ITGA1: variants seen among roughly 807,000 people sequenced by gnomAD.
The protein encoded by ITGA1 is integrin alpha-1.
ITGA1 carries 85 observed loss-of-function variants against 145.9 expected under a neutral mutation model. The observed-to-expected ratio is 0.58, with a 90% CI of 0.49 to 0.70. The LOEUF (loss-of-function observed/expected upper bound fraction) is 0.70, where lower values mean the gene tolerates loss of function less well. Among genes scored for constraint, ITGA1 ranks in the 30% least tolerant of loss-of-function variants. The pLI, the probability that ITGA1 is intolerant of heterozygous loss-of-function variation, is 0.00. For missense variants in ITGA1, 1,351 were observed against 1,418.7 expected (o/e 0.95, Z 0.77); for synonymous variants, 520 against 495.3 (o/e 1.05, Z -0.66).
At chr5:52,846,661 G>A (rs1333372547) in intron 1 of ITGA1, among the ~76,000 whole-genome samples, 1 of 152,180 alleles carries the variant, frequency 6.6e-6, no homozygotes, top group Non-Finnish European at 1.5e-5. Context: ...AGAATGAACA[G>A]GAAATGTACA....
At chr5:52,909,191 A>G in intron 13 of ITGA1, 150 bp downstream of exon 13, 4 of 737,438 alleles carry the variant, frequency 5.4e-6, no homozygotes, top group South Asian at 3.8e-5. Context: ...TCAGTTTTGA[A>G]ATGACCATTT....
intron 1 of ITGA1, among the ~76,000 whole-genome samples, chr5:52,843,178 A>G (rs1749283682): frequency 6.6e-6 from 1 of 152,010 alleles, no homozygotes; most frequent in Non-Finnish European, 1.5e-5. Context: ...TTGCCCTAAA[A>G]CCATTCACTG....
rs990125025 is a variant in ITGA1 at position 52,902,915 on chromosome 5, A to G, written c.1310-2848A>G. 15 of 152,066 alleles carry G rather than the reference A, an allele frequency of 9.9e-5. 1 individual carries two copies. The highest frequency in any genetic ancestry group is 3.6e-4 in the African/African-American group (15 of 41,478). 9.4% of individuals were successfully genotyped at this position (152,066 alleles called of 1,614,324 possible). A position where few individuals can be genotyped will look rare whatever the true frequency, so the allele number is the denominator to read the frequency against. ...ATTCTTTTCTTTTTCAGGAAACACTATTAAGCTTAAATATTTATAATTATT... is the reference window on the plus strand; with the variant it reads ...ATTCTTTTCTTTTTCAGGAAACACTGTTAAGCTTAAATATTTATAATTATT... On this transcript the variant is annotated intron_variant, in intron 11 of 28. Transcript: ENST00000282588.
At chr5:52,832,022 G>T (rs2111722616) in intron 1 of ITGA1, among the ~76,000 whole-genome samples, 1 of 152,202 alleles carries the variant, frequency 6.6e-6, no homozygotes, top group South Asian at 2.1e-4. Flanking sequence ...CCCAGCCACG[G>T]TGGAGAAATA....
intron 6 of ITGA1, among the ~76,000 whole-genome samples, chr5:52,880,404 T>C (rs1749939090): frequency 6.6e-6 from 1 of 152,202 alleles, no homozygotes; most frequent in Admixed American, 6.5e-5. Context: ...CTCTAGAGGG[T>C]AACTCAAAGA....
intron 2 of ITGA1, among the ~76,000 whole-genome samples, chr5:52,852,793 A>G (rs753288637): frequency 7.9e-5 from 12 of 152,180 alleles, no homozygotes; most frequent in Admixed American, 3.9e-4. Context: ...GGCCTTATAC[A>G]TAATATGCAC....
chr5:52,939,449 C>T, intron 24 of ITGA1, 141 bp from the exon 25 acceptor site: 1 of 622,506 alleles, frequency 1.6e-6, no homozygotes, highest in Non-Finnish European at 2.8e-6. Flanking sequence ...AACAACCTTT[C>T]CCATACAGCA....
Position 52,865,687 on chromosome 5 carries a change from C to A in ITGA1, c.497-3C>A, listed in dbSNP as rs1580069289. 6.6e-7 allele frequency: 1 copy of A among 1,522,404 alleles called. No homozygotes were observed. Among genetic ancestry groups the A allele is most frequent in the Non-Finnish European group, 8.8e-7 (1 of 1,142,278 alleles). The allele number at this position is 1,522,404 out of a possible 1,614,324, so 94.3% of individuals were successfully genotyped here. A position where few individuals can be genotyped will look rare whatever the true frequency, so the allele number is the denominator to read the frequency against. On this transcript the variant is annotated splice_region_variant and splice_polypyrimidine_tract_variant and intron_variant, in intron 5 of 28. Transcript: ENST00000282588. ...ATTTGACAATTGACTCCTTTTATTG[C>A]AGAATGCAGCACTCAACTGGACATA...
chr5:52,858,994 C>T (rs1195639565), intron 2 of ITGA1, among the ~76,000 whole-genome samples: 1 of 152,082 alleles, frequency 6.6e-6, no homozygotes, highest in Non-Finnish European at 1.5e-5. Context: ...ATAATTTGAA[C>T]TCATATAGGC....
chr5:52,814,735 A>C (rs1017094920), intron 1 of ITGA1, among the ~76,000 whole-genome samples: 5 of 152,138 alleles, frequency 3.3e-5, no homozygotes. Context: ...GTATTAAAAA[A>C]AAAGGGGGGG....
chr5:52,788,338 T>C lies in ITGA1; in HGVS notation c.-16T>C. On this transcript the variant is annotated 5_prime_UTR_variant, in exon 1 of 29. Coordinates refer to ENST00000282588, the MANE Select transcript of ITGA1 (RefSeq NM_181501.2). ...GCGAACCAGCGCGGCCCCCTGGCGC[T>C]GAGGCTGCTCCGGCCATGGCCCCTC... The C allele has an allele frequency of 6.7e-7, 1 of 1,498,508 alleles. No individual in the cohort carries two copies. The highest frequency in any genetic ancestry group is 8.9e-7 in the Non-Finnish European group (1 of 1,129,384). 92.8% of individuals were successfully genotyped at this position (1,498,508 alleles called of 1,614,324 possible). A position where few individuals can be genotyped will look rare whatever the true frequency, so the allele number is the denominator to read the frequency against.
intron 4 of ITGA1, 21 bp downstream of exon 4, chr5:52,864,872 A>G: frequency 5.7e-6 from 9 of 1,568,830 alleles, no homozygotes; most frequent in Non-Finnish European, 7.9e-6. Flanking sequence ...AGAGAATGAT[A>G]TTTATTGACA....
At chr5:52,866,003 T>G (rs543434967) in intron 6 of ITGA1, among the ~76,000 whole-genome samples, 186 bp downstream of exon 6, 16 of 151,714 alleles carry the variant, frequency 1.1e-4, no homozygotes, top group Non-Finnish European at 1.8e-4. Context: ...TTTTCTATTT[T>G]TTTCTTTTTT....
intron 7 of ITGA1, among the ~76,000 whole-genome samples, chr5:52,884,792 T>C (rs1007269367): frequency 6.6e-6 from 1 of 152,224 alleles, no homozygotes; most frequent in Non-Finnish European, 1.5e-5. Context: ...ATGCCAGATG[T>C]GTGGGATTTT....
At chr5:52,801,715 A>G (rs1748490895) in intron 1 of ITGA1, 1 of 1,614,028 alleles carries the variant, frequency 6.2e-7, no homozygotes, top group East Asian at 2.2e-5. Flanking sequence ...CACCGTTAGG[A>G]TATTCTCTAG....
chr5:52,911,533 ATT>A lies in ITGA1; in HGVS notation c.1857+1115_1857+1116del, dbSNP rs201264954. On this transcript the variant is annotated intron_variant, in intron 14 of 28. Coordinates refer to ENST00000282588, the MANE Select transcript of ITGA1 (RefSeq NM_181501.2). ...CTATATATAGTATATATATCTATAT[ATT>A]AGATACATATACTATATATAGTGTA... Among the ~76,000 whole-genome samples, 929 of 117,638 alleles carry A rather than the reference ATT, an allele frequency of 7.9e-3. 62 individuals carry two copies. The highest frequency in any genetic ancestry group is 0.029 in the African/African-American group (889 of 30,736). The allele number at this position is 117,638 out of a possible 152,430, so 77.2% of individuals were successfully genotyped here. A position where few individuals can be genotyped will look rare whatever the true frequency, so the allele number is the denominator to read the frequency against.
chr5:52,845,210 T>C (rs557391090), intron 1 of ITGA1, among the ~76,000 whole-genome samples: 1 of 152,134 alleles, frequency 6.6e-6, no homozygotes, highest in South Asian at 2.1e-4. Context: ...TTGGAGAAAA[T>C]GTATTAAAGA....
At chr5:52,911,181 T>C (rs1750516849) in intron 14 of ITGA1, among the ~76,000 whole-genome samples, 1 of 136,908 alleles carries the variant, frequency 7.3e-6, no homozygotes, top group African/African-American at 2.6e-5. Context: ...ACATATTGTA[T>C]ATATAGTGTA....
rs1168954493 is a variant in ITGA1, at chr5:52,947,307, T to C, written c.3379-38T>C. The C allele has an allele frequency of 3.3e-6, 4 of 1,199,838 alleles. No homozygotes were observed. In the South Asian group the frequency reaches 3.6e-5, roughly 11 times the overall value. 74.3% of individuals were successfully genotyped at this position (1,199,838 alleles called of 1,614,324 possible). On this transcript the variant is annotated intron_variant, in intron 27 of 28. Transcript: ENST00000282588. ...TCAATGTTCCAGGAGTTCTAATAGGTGTTTATTATGTTAACAATCTTGTTT... is the reference window on the plus strand; with the variant it reads ...TCAATGTTCCAGGAGTTCTAATAGGCGTTTATTATGTTAACAATCTTGTTT...
Sources: gnomAD v4.1 joint callset for allele counts (sites outside exome capture counted in the v4.1 genomes callset) on GRCh38, gnomAD v4.1.1 for gene constraint, MANE v1.5 for transcripts, NCBI Gene and HGNC (gene_info 2026-07-23, HGNC 2026-07-21) for gene names.